The following NBEAL1 variants were observed in gnomAD, a reference collection of about 807,000 sequenced individuals.
NBEAL1 encodes neurobeachin like 1, also known as neurobeachin-like protein 1.
NBEAL1 carries 273 observed loss-of-function variants against 351.3 expected under a neutral mutation model. That is an observed-to-expected ratio of 0.78 (90% CI 0.70 to 0.86). The LOEUF is 0.86. Ranked by LOEUF, NBEAL1 falls within the 40% of genes least tolerant of loss-of-function variation. NBEAL1 has a pLI of 0.00. For synonymous variants in NBEAL1, 1,050 were observed against 1,086.4 expected, an observed-to-expected ratio of 0.97 and a Z score of 0.66; for missense variants, 2,961 against 3,201.3, an observed-to-expected ratio of 0.92 and a Z score of 1.81.
chr2:203,153,888 T>A (rs2063727643), intron 35 of NBEAL1, among the ~76,000 whole-genome samples: 1 of 152,178 alleles, frequency 6.6e-6, no homozygotes, highest in Admixed American at 6.5e-5. Flanking sequence ...TGCACACAGA[T>A]GTAATTTTAT....
chr2:203,125,244 A>G (rs758819697), intron 19 of NBEAL1, 108 bp from the exon 20 acceptor site: 37 of 805,624 alleles, frequency 4.6e-5, no homozygotes, highest in Admixed American at 3.9e-4. Context: ...TATCCTGTAC[A>G]TTGCTCAAAG....
chr2:203,018,582 G>A (rs993735459), intron 2 of NBEAL1, among the ~76,000 whole-genome samples: 1 of 151,578 alleles, frequency 6.6e-6, no homozygotes, highest in Non-Finnish European at 1.5e-5. Context: ...AGTTTTTTTT[G>A]TTGTTGTTGT....
At position 203,138,756 on chromosome 2, in the gene NBEAL1, C is replaced by T. The variant is rs1232194132; in HGVS notation, c.4848+8C>T. On this transcript the variant is annotated splice_region_variant and intron_variant, in intron 31 of 55. Coordinates refer to ENST00000683969, the MANE Select transcript of NBEAL1 (RefSeq NM_001378026.1). Reference sequence around the variant, plus strand: ...GGAAGGGGTAATTTGCAGGTTTGTCCATTCTTTTATATTATTTTCTGTGCT... The same window carrying T: ...GGAAGGGGTAATTTGCAGGTTTGTCTATTCTTTTATATTATTTTCTGTGCT... 6 of 1,604,026 alleles carry T rather than the reference C, an allele frequency of 3.7e-6. No homozygotes were observed. Among genetic ancestry groups the T allele is most frequent in the Non-Finnish European group, 5.1e-6 (6 of 1,177,306 alleles).
In NBEAL1 at chr2:203,055,957, C is replaced by T. The variant is rs561479900; in HGVS notation, c.306-470C>T. Among the ~76,000 whole-genome samples the T allele has an allele frequency of 6.6e-5, 10 of 152,220 alleles. No individual in the cohort carries two copies. In the South Asian group the frequency reaches 1.9e-3, roughly 28 times the overall value. ...AATGTAGTTGAGGAAATATGACATC[C>T]TTAAAAGGAAACCGTAATTCAAAAA... On this transcript the variant is annotated intron_variant, in intron 4 of 55. Coordinates refer to ENST00000683969, the MANE Select transcript of NBEAL1 (RefSeq NM_001378026.1).
At chr2:203,123,122 T>G (rs2062863580) in intron 19 of NBEAL1, among the ~76,000 whole-genome samples, 1 of 118,152 alleles carries the variant, frequency 8.5e-6, no homozygotes, top group African/African-American at 3.3e-5. Flanking sequence ...TAAGAAGACT[T>G]GCTGGTAAAT....
chr2:203,084,207 A>G (rs1330485984), intron 9 of NBEAL1, among the ~76,000 whole-genome samples: 2 of 152,216 alleles, frequency 1.3e-5, no homozygotes, highest in East Asian at 3.8e-4. Flanking sequence ...CATTAGAGCT[A>G]AACTAGGAAA....
chr2:203,198,308 G>A (rs191293767), intron 48 of NBEAL1, among the ~76,000 whole-genome samples: 75 of 151,880 alleles, frequency 4.9e-4, no homozygotes, highest in African/African-American at 1.4e-3. Context: ...CCAGAATTTC[G>A]TTTGTCGGGG....
At chr2:203,114,235 G>A (rs1198507724) in intron 17 of NBEAL1, among the ~76,000 whole-genome samples, 1 of 152,142 alleles carries the variant, frequency 6.6e-6, no homozygotes, top group Non-Finnish European at 1.5e-5. Flanking sequence ...TCACATTGGG[G>A]ATTATGGCTT....
chr2:203,169,813 T>C lies in NBEAL1; in HGVS notation c.6064T>C (p.Ser2022Pro). Residue 2022 changes from serine (S) to proline (P), a missense_variant, in exon 39 of 56, where the codon TCA becomes CCA. Transcript: ENST00000683969. ...HSPNSYYGSR[S>P]PQELFKASGL... ...CCCAAATAGTTATTATGGAAGCAGA[T>C]CACCACAGGAGTTATTCAAAGCATC... 1 of 1,610,336 alleles carries C rather than the reference T, an allele frequency of 6.2e-7. No individual in the cohort carries two copies.
chr2:203,049,675 A>T (rs1482917773), intron 3 of NBEAL1, 139 bp from the exon 4 acceptor site: 1 of 635,742 alleles, frequency 1.6e-6, no homozygotes, highest in African/African-American at 1.8e-5. Context: ...TCTGTGTTGC[A>T]GACGAGAAGG....
rs952049922 is a variant in NBEAL1 at position 203,052,828 on chromosome 2, C to T, written c.305+2853C>T. Among the ~76,000 whole-genome samples the T allele has an allele frequency of 2.0e-5, 3 of 152,032 alleles. No homozygotes were observed. In the East Asian group the frequency reaches 5.8e-4, roughly 29 times the overall value. Reference sequence around the variant, plus strand: ...CTCAAACTCCAGGGCTCAAGTGATCCTTCCGCCTTGACCTCCCAAGGTGCT... The same window carrying T: ...CTCAAACTCCAGGGCTCAAGTGATCTTTCCGCCTTGACCTCCCAAGGTGCT... On this transcript the variant is annotated intron_variant, in intron 4 of 55. Coordinates refer to ENST00000683969, the MANE Select transcript of NBEAL1 (RefSeq NM_001378026.1).
At chr2:203,190,886 G>A in intron 46 of NBEAL1, 8 of 1,611,464 alleles carry the variant, frequency 5.0e-6, no homozygotes, top group Non-Finnish European at 5.9e-6. Context: ...GGCCCCCTGG[G>A]TCTGTCTCCA....
chr2:203,080,508 G>C (rs1195319029), intron 8 of NBEAL1, among the ~76,000 whole-genome samples: 1 of 151,322 alleles, frequency 6.6e-6, no homozygotes, highest in Non-Finnish European at 1.5e-5. Context: ...TTTTTTCATT[G>C]CATGGCCCTT....
Position 203,136,083 on chromosome 2 carries a change from T to C in NBEAL1, c.4220T>C (p.Ile1407Thr), listed in dbSNP as rs769197371. ...CATTTGAGTTTAGACCTCAGTGGAA[T>C]TGACTCATGTGAAATGAGTGATAGT... Reference protein sequence around the residue: ...PSHLSLDLSGIDSCEMSDSGS... With the variant: ...PSHLSLDLSGTDSCEMSDSGS... Residue 1407 changes from isoleucine to threonine, a missense_variant, in exon 28 of 56, where the codon ATT becomes ACT. Ile to Thr is a moderately conservative substitution (Grantham distance 89). Transcript: ENST00000683969. The C allele has an allele frequency of 4.8e-5, 77 of 1,613,974 alleles. No homozygotes were observed. The Admixed American group carries it at 8.3e-4, about 17-fold the overall frequency.
intron 14 of NBEAL1, among the ~76,000 whole-genome samples, chr2:203,109,072 A>C (rs1335684343): frequency 6.6e-6 from 1 of 152,138 alleles, no homozygotes; most frequent in Admixed American, 6.5e-5. Flanking sequence ...GAAAATGAAT[A>C]ATGGCCGGGT....
At chr2:203,215,722 G>T (rs1452596045) in intron 55 of NBEAL1, among the ~76,000 whole-genome samples, 1 of 151,200 alleles carries the variant, frequency 6.6e-6, no homozygotes, top group Non-Finnish European at 1.5e-5. Flanking sequence ...CATTAAAAAA[G>T]GTGGCAAGCT....
chr2:203,111,851 T>C (rs2062579991), intron 15 of NBEAL1, 128 bp from the exon 16 acceptor site: 2 of 1,077,288 alleles, frequency 1.9e-6, no homozygotes, highest in South Asian at 3.4e-5. Context: ...AGAACATCAA[T>C]TTAACATTTA....
intron 2 of NBEAL1, among the ~76,000 whole-genome samples, chr2:203,025,402 C>G (rs1424025136): frequency 6.6e-6 from 1 of 152,122 alleles, no homozygotes; most frequent in Non-Finnish European, 1.5e-5. Flanking sequence ...ATTCTCGGAC[C>G]TTAGTTTTAG....
chr2:203,133,541 T>G (rs1373398818), intron 27 of NBEAL1, among the ~76,000 whole-genome samples: 1 of 152,010 alleles, frequency 6.6e-6, no homozygotes, highest in Non-Finnish European at 1.5e-5. Flanking sequence ...ATGATTTGTC[T>G]TTAGTACACA....
Sources: gnomAD v4.1 joint callset for allele counts (sites outside exome capture counted in the v4.1 genomes callset) on GRCh38, gnomAD v4.1.1 for gene constraint, MANE v1.5 for transcripts, NCBI Gene and HGNC (gene_info 2026-07-23, HGNC 2026-07-21) for gene names.